The following C2orf69 variants were observed in gnomAD, a reference collection of about 807,000 sequenced individuals.
C2orf69 encodes the protein mitochondrial protein C2orf69.
C2orf69 carries 19 observed loss-of-function variants against 29.5 expected under a neutral mutation model. The observed-to-expected ratio is 0.65, with a 90% CI of 0.45 to 0.95. C2orf69 has a LOEUF of 0.95. Ranked by LOEUF, C2orf69 falls within the 40% of genes least tolerant of loss-of-function variation. The probability of loss-of-function intolerance (pLI) is 0.00; values close to 1 mark genes in which losing one functional copy is unlikely to be tolerated. For missense variants in C2orf69, 416 were observed against 482.1 expected (o/e 0.86, Z 1.28); for synonymous variants, 194 against 180.0 (o/e 1.08, Z -0.62).
At position 199,926,150 on chromosome 2, in the gene C2orf69, C is replaced by A. The variant is rs2077334288; in HGVS notation, c.*264C>A. The A allele has an allele frequency of 3.0e-6, 1 of 335,794 alleles. No individual in the cohort carries two copies. Among genetic ancestry groups the A allele is most frequent in the Non-Finnish European group, 5.5e-6 (1 of 183,014 alleles). 20.8% of individuals were successfully genotyped at this position (335,794 alleles called of 1,614,324 possible). A position where few individuals can be genotyped will look rare whatever the true frequency, so the allele number is the denominator to read the frequency against. On this transcript the variant is annotated 3_prime_UTR_variant, in exon 2 of 2. Coordinates refer to ENST00000319974, the MANE Select transcript of C2orf69 (RefSeq NM_153689.6). Reference sequence around the variant, plus strand: ...GTAATAATGCTGAGGAGATATAAGACCCTTAAAATGAAAGTTACAACATTG... The same window carrying A: ...GTAATAATGCTGAGGAGATATAAGAACCTTAAAATGAAAGTTACAACATTG...
intron 1 of C2orf69, among the ~76,000 whole-genome samples, chr2:199,914,700 C>G (rs951709943): frequency 4.6e-5 from 7 of 152,126 alleles, no homozygotes; most frequent in African/African-American, 1.7e-4. Context: ...TCCAGCCTCT[C>G]TGGCTTTCTT....
rs747711433 is a variant in C2orf69 at position 199,911,785 on chromosome 2, T to C, written c.333+14T>C. 2.0e-6 allele frequency: 3 copies of C among 1,537,412 alleles called. No individual in the cohort carries two copies. Among genetic ancestry groups the C allele is most frequent in the South Asian group, 1.2e-5 (1 of 84,038 alleles). ...GGGGATGTGCAGGTAACTCGGGGCCTGCCTGGGTATCTGTTCCTTCCTCTC... is the reference window on the plus strand; with the variant it reads ...GGGGATGTGCAGGTAACTCGGGGCCCGCCTGGGTATCTGTTCCTTCCTCTC... On this transcript the variant is annotated intron_variant, in intron 1 of 1. Coordinates refer to ENST00000319974, the MANE Select transcript of C2orf69 (RefSeq NM_153689.6).
chr2:199,913,196 A>G (rs1191358387), intron 1 of C2orf69, among the ~76,000 whole-genome samples: 1 of 99,890 alleles, frequency 1.0e-5, no homozygotes, highest in Admixed American at 1.5e-4. Flanking sequence ...TATATATTAT[A>G]TATAATATAT....
In C2orf69 at chr2:199,911,612, C is replaced by T. The variant is rs2106636274; in HGVS notation, c.174C>T (p.Ser58=). The stretch of plus-strand genomic sequence containing the variant: ...GCCGCCGTCAGTGCCTGCAGCTTTC[C>T]ACCGTGCCTGGAGCCGATCCGCAGC... ...EVRRRQCLQL[S]TVPGADPQRS... Residue 58 remains serine (S), a synonymous_variant, in exon 1 of 2, where the codon TCC becomes TCT. Transcript: ENST00000319974. The T allele has an allele frequency of 1.3e-6, 2 of 1,549,616 alleles. No homozygotes were observed. The highest frequency in any genetic ancestry group is 1.7e-6 in the Non-Finnish European group (2 of 1,146,576).
rs921478144 is a variant in C2orf69, at chr2:199,911,468, G to A, written c.30G>A (p.Pro10=). 1 of 1,544,874 alleles carries A rather than the reference G, an allele frequency of 6.5e-7. No individual in the cohort carries two copies. The highest frequency in any genetic ancestry group is 2.5e-5 in the East Asian group (1 of 40,618). The change falls in exon 1 of 2, where the codon CCG becomes CCA. Residue 10 remains proline (P), a synonymous_variant. Coordinates refer to ENST00000319974, the MANE Select transcript of C2orf69 (RefSeq NM_153689.6). MWGFRLLRS[P]PLLLLLPQLG... is the part of the protein sequence containing the mutation. ...GGGGGTTCAGGCTCCTGCGGTCGCC[G>A]CCGTTGCTGCTCCTGCTGCCGCAGC...
chr2:199,913,389 A>ATATATATTCTATT (rs2077280290), intron 1 of C2orf69, among the ~76,000 whole-genome samples: 1 of 108,680 alleles, frequency 9.2e-6, no homozygotes, highest in Non-Finnish European at 1.7e-5. Flanking sequence ...ATTATATATA[A>ATATATATTCTATT]TAACATATAT....
chr2:199,911,613 A>C lies in C2orf69; in HGVS notation c.175A>C (p.Thr59Pro), dbSNP rs899281796. 24 of 1,549,306 alleles carry C rather than the reference A, an allele frequency of 1.5e-5. No individual in the cohort carries two copies. Among genetic ancestry groups the C allele is most frequent in the Non-Finnish European group, 2.1e-5 (24 of 1,146,552 alleles). The change falls in exon 1 of 2, where the codon ACC becomes CCC. Residue 59 changes from threonine (T) to proline (P), a missense_variant. Thr to Pro is a conservative substitution (Grantham distance 38). Around this residue, in one of 4 missense-constraint regions of C2orf69, gnomAD observed 175 missense variants for 139.9 expected, o/e 1.25. Coordinates refer to ENST00000319974, the MANE Select transcript of C2orf69 (RefSeq NM_153689.6). The stretch of plus-strand genomic sequence containing the variant: ...CCGCCGTCAGTGCCTGCAGCTTTCC[A>C]CCGTGCCTGGAGCCGATCCGCAGCG... ...VRRRQCLQLS[T>P]VPGADPQRSN...
chr2:199,913,088 T>C (rs1417192593), intron 1 of C2orf69, among the ~76,000 whole-genome samples: 1 of 128,978 alleles, frequency 7.8e-6, no homozygotes, highest in East Asian at 2.1e-4. Flanking sequence ...TATTCTCTTT[T>C]TTTTTCCAGT....
In C2orf69 at chr2:199,925,539, A is replaced by T. The variant is rs2077332409; in HGVS notation, c.811A>T (p.Asn271Tyr). The part of the protein sequence containing the change: ...IGFSKGCVVL[N>Y]QLLFELKEAK... ...ATTCAGTAAAGGTTGTGTTGTTTTG[A>T]ATCAGTTGCTTTTTGAATTGAAAGA... The change falls in exon 2 of 2, where the codon AAT (asparagine) becomes TAT (tyrosine). Residue 271 changes from asparagine (N) to tyrosine (Y), a missense_variant. This residue lies in a region of C2orf69 where 225 missense variants were observed against 307.3 expected (regional missense o/e 0.73). Transcript: ENST00000319974. This position sits in a 1 kb window ranked among gnomAD's most constrained non-coding sequence, Gnocchi z 4.9. 3 of 1,613,796 alleles carry T rather than the reference A, an allele frequency of 1.9e-6. No homozygotes were observed. Among genetic ancestry groups the T allele is most frequent in the Non-Finnish European group, 2.5e-6 (3 of 1,179,848 alleles).
At chr2:199,921,952 T>G (rs2077317799) in intron 1 of C2orf69, among the ~76,000 whole-genome samples, 1 of 148,270 alleles carries the variant, frequency 6.7e-6, no homozygotes, top group African/African-American at 2.5e-5. Flanking sequence ...TTATTTACGG[T>G]TTTACATTGA....
Position 199,926,493 on chromosome 2 carries a change from A to G in C2orf69, c.*607A>G, listed in dbSNP as rs2077335664. ...TAGTGTAAAGGTGGTTTTTAAAAAC[A>G]TAGCCAGGTGTGGTGGCACGTGCCT... On this transcript the variant is annotated 3_prime_UTR_variant, in exon 2 of 2. Coordinates refer to ENST00000319974, the MANE Select transcript of C2orf69 (RefSeq NM_153689.6). The G allele has an allele frequency of 6.6e-6, 1 of 152,512 alleles. No individual in the cohort carries two copies. Among genetic ancestry groups the G allele is most frequent in the Non-Finnish European group, 1.5e-5 (1 of 68,290 alleles). The allele number at this position is 152,512 out of a possible 1,614,324, so 9.4% of individuals were successfully genotyped here. A position where few individuals can be genotyped will look rare whatever the true frequency, so the allele number is the denominator to read the frequency against.
chr2:199,920,965 A>G lies in C2orf69; in HGVS notation c.334-4097A>G, dbSNP rs1284953296. Among the ~76,000 whole-genome samples the G allele has an allele frequency of 8.8e-5, 13 of 147,380 alleles. 1 individual carries two copies. In the South Asian group the frequency reaches 2.6e-3, roughly 29 times the overall value. ...AGCCTGAGACTCTCAAAAAAAAAAAAAAAAAAAAAGTCACTTGTTGGCCTT... is the reference window on the plus strand; with the variant it reads ...AGCCTGAGACTCTCAAAAAAAAAAAGAAAAAAAAAGTCACTTGTTGGCCTT... On this transcript the variant is annotated intron_variant, in intron 1 of 1. Coordinates refer to ENST00000319974, the MANE Select transcript of C2orf69 (RefSeq NM_153689.6).
At chr2:199,922,890 T>G (rs1181587241) in intron 1 of C2orf69, among the ~76,000 whole-genome samples, 2 of 152,210 alleles carry the variant, frequency 1.3e-5, no homozygotes, top group African/African-American at 4.8e-5. Flanking sequence ...TCCAGATCCT[T>G]TCAGAGCAAA....
At chr2:199,918,866 T>C (rs2077303217) in intron 1 of C2orf69, among the ~76,000 whole-genome samples, 2 of 152,236 alleles carry the variant, frequency 1.3e-5, no homozygotes, top group Admixed American at 6.5e-5. Context: ...ATTTGTCATA[T>C]AGTATGTAGT....
intron 1 of C2orf69, among the ~76,000 whole-genome samples, chr2:199,915,199 T>G (rs1434476492): frequency 6.6e-6 from 1 of 152,250 alleles, no homozygotes; most frequent in Non-Finnish European, 1.5e-5. Context: ...TCTATCCTTA[T>G]GAACTTTTCG....
chr2:199,916,319 T>C (rs1222497793), intron 1 of C2orf69, among the ~76,000 whole-genome samples: 1 of 151,960 alleles, frequency 6.6e-6, no homozygotes, highest in African/African-American at 2.4e-5. Context: ...TCACAACACA[T>C]GGGGATTATG....
At chr2:199,918,744 ATC>A (rs1559293750) in intron 1 of C2orf69, among the ~76,000 whole-genome samples, 1 of 152,196 alleles carries the variant, frequency 6.6e-6, no homozygotes, top group East Asian at 1.9e-4. Context: ...GTTGTAGAGT[ATC>A]TCCATTATCC....
intron 1 of C2orf69, among the ~76,000 whole-genome samples, chr2:199,920,190 G>A (rs1057075351): frequency 6.6e-6 from 1 of 152,162 alleles, no homozygotes; most frequent in Non-Finnish European, 1.5e-5. Context: ...TTGGCCGTGG[G>A]TAACAGCCTC....
rs1034549409 is a variant in C2orf69, at chr2:199,911,398, C to T, written c.-41C>T. The T allele has an allele frequency of 7.0e-7, 1 of 1,436,022 alleles. No individual in the cohort carries two copies. The highest frequency in any genetic ancestry group is 1.5e-5 in the African/African-American group (1 of 66,584). 89.0% of individuals were successfully genotyped at this position (1,436,022 alleles called of 1,614,324 possible). A position where few individuals can be genotyped will look rare whatever the true frequency, so the allele number is the denominator to read the frequency against. On this transcript the variant is annotated 5_prime_UTR_variant, in exon 1 of 2. Coordinates refer to ENST00000319974, the MANE Select transcript of C2orf69 (RefSeq NM_153689.6). ...GAAGTCCCTCCCTCAGGAACCCCTC[C>T]GCCACCCTCCACCTCCGAACCGCTC...
Sources: allele counts gnomAD v4.1 joint callset (sites outside exome capture counted in the v4.1 genomes callset), GRCh38; gene constraint gnomAD v4.1.1; regional missense constraint gnomAD v4.1.1; non-coding constraint Gnocchi (gnomAD v3.1); transcripts MANE v1.5; gene names NCBI Gene and HGNC (gene_info 2026-07-23, HGNC 2026-07-21).